The following FER1L6 variants were observed in gnomAD, a reference collection of about 807,000 sequenced individuals.
FER1L6 encodes the protein fer-1-like protein 6.
Under a neutral mutation model 219.2 loss-of-function variants are expected in FER1L6, and 177 were observed. The ratio of observed to expected loss-of-function variants is 0.81; its 90% CI spans 0.71 to 0.91. The LOEUF is 0.91. Among genes scored for constraint, FER1L6 ranks in the 40% least tolerant of loss-of-function variants. FER1L6 has a pLI of 0.00. For missense variants in FER1L6, 2,153 were observed against 2,259.9 expected, an observed-to-expected ratio of 0.95 and a Z score of 0.96; for synonymous variants, 768 against 824.3, an observed-to-expected ratio of 0.93 and a Z score of 1.17.
intron 13 of FER1L6, among the ~76,000 whole-genome samples, chr8:124,010,101 G>A (rs891753785): frequency 3.3e-5 from 5 of 150,878 alleles, no homozygotes; most frequent in Non-Finnish European, 5.9e-5. Context: ...CTGGCAACCC[G>A]TGGAGGAGAG....
intron 1 of FER1L6, among the ~76,000 whole-genome samples, chr8:123,875,829 A>C (rs531876972): frequency 6.6e-6 from 1 of 152,260 alleles, no homozygotes; most frequent in African/African-American, 2.4e-5. Flanking sequence ...TTTATGTGCA[A>C]ATCCTGCAGG....
intron 20 of FER1L6, among the ~76,000 whole-genome samples, chr8:124,044,633 G>A (rs1201086546): frequency 2.0e-5 from 3 of 152,226 alleles, no homozygotes; most frequent in Non-Finnish European, 4.4e-5. Flanking sequence ...AGCAGCTGCT[G>A]TGATACATTC....
chr8:123,867,479 G>T (rs140717729), intron 1 of FER1L6, among the ~76,000 whole-genome samples: 1 of 152,154 alleles, frequency 6.6e-6, no homozygotes, highest in East Asian at 1.9e-4. Context: ...ATGTAATAGC[G>T]AGTAAGAATG....
intron 1 of FER1L6, among the ~76,000 whole-genome samples, chr8:123,862,929 A>G (rs1276352702): frequency 2.7e-5 from 4 of 146,588 alleles, no homozygotes; most frequent in Admixed American, 2.7e-4. Context: ...TCAAAAAACC[A>G]GCTCCTGGAT....
At chr8:123,859,947 A>T (rs1816715332) in intron 1 of FER1L6, among the ~76,000 whole-genome samples, 1 of 141,992 alleles carries the variant, frequency 7.0e-6, no homozygotes, top group Non-Finnish European at 1.5e-5. Flanking sequence ...TTATTTATTT[A>T]TTTATTTTTA....
intron 18 of FER1L6, among the ~76,000 whole-genome samples, 181 bp downstream of exon 18, chr8:124,023,777 G>T (rs190180186): frequency 1.3e-5 from 2 of 152,160 alleles, no homozygotes; most frequent in Admixed American, 1.3e-4. Flanking sequence ...CCTTTAGGTG[G>T]AATTTTTTCA....
At chr8:124,034,438 C>T (rs1819112100) in intron 18 of FER1L6, among the ~76,000 whole-genome samples, 2 of 152,320 alleles carry the variant, frequency 1.3e-5, no homozygotes, top group Non-Finnish European at 1.5e-5. Flanking sequence ...CAGGCATATA[C>T]ACACATATAC....
chr8:124,055,170 G>A (rs1406157676), intron 22 of FER1L6, among the ~76,000 whole-genome samples: 1 of 152,172 alleles, frequency 6.6e-6, no homozygotes, highest in Non-Finnish European at 1.5e-5. Context: ...TGAGCCTGGT[G>A]GTTCACGCCT....
At chr8:124,085,799 GCC>G (rs1821762463) in intron 33 of FER1L6, among the ~76,000 whole-genome samples, 1 of 152,072 alleles carries the variant, frequency 6.6e-6, no homozygotes, top group African/African-American at 2.4e-5. Context: ...TGGATGACCT[GCC>G]CAGTGCTGAA....
In FER1L6 at chr8:124,082,577, C is replaced by T. The variant is rs73330160; in HGVS notation, c.4391+119C>T. 0.01 allele frequency: 8,828 copies of T among 877,602 alleles called. 450 individuals carry two copies. In the African/African-American group the frequency reaches 0.12, roughly 12 times the overall value. The allele number at this position is 877,602 out of a possible 1,614,324, so 54.4% of individuals were successfully genotyped here. A position where few individuals can be genotyped will look rare whatever the true frequency, so the allele number is the denominator to read the frequency against. On this transcript the variant is annotated intron_variant, in intron 33 of 40. Transcript: ENST00000522917. ...AAGGCCAGACCAGGCTCAGCTTTAA[C>T]GTCTCAAATGGGCTCCACATCAGCA...
rs756537977 is a variant in FER1L6, at chr8:124,010,725, C to G, written c.1821+11C>G. 19 of 1,612,460 alleles carry G rather than the reference C, an allele frequency of 1.2e-5. No individual in the cohort carries two copies. The South Asian group carries it at 2.1e-4, about 18-fold the overall frequency. On this transcript the variant is annotated intron_variant, in intron 14 of 40. Coordinates refer to ENST00000522917, the MANE Select transcript of FER1L6 (RefSeq NM_001039112.2). Reference sequence around the variant, plus strand: ...ATGGCAGACTTCCTGGTAGGTGACTCTGACAGGTGATGGATTAGAGAATTG... The same window carrying G: ...ATGGCAGACTTCCTGGTAGGTGACTGTGACAGGTGATGGATTAGAGAATTG...
At chr8:124,057,625 T>C (rs1371856922) in intron 22 of FER1L6, among the ~76,000 whole-genome samples, 1 of 152,154 alleles carries the variant, frequency 6.6e-6, no homozygotes, top group Non-Finnish European at 1.5e-5. Flanking sequence ...TTTTTGCCTG[T>C]CCTCTGTGAT....
rs143559130 is a variant in FER1L6, at chr8:123,946,677, G to A, written c.-7-9315G>A. Among the ~76,000 whole-genome samples the A allele has an allele frequency of 1.3e-3, 201 of 152,212 alleles. 1 individual carries two copies. Among genetic ancestry groups the A allele is most frequent in the African/African-American group, 4.7e-3 (195 of 41,496 alleles). ...CCCCTCAGGTACGAGAGGAGGAGTG[G>A]TGGCCACATTGGGCCACCTGGTTAC... On this transcript the variant is annotated intron_variant, in intron 1 of 40. Coordinates refer to ENST00000522917, the MANE Select transcript of FER1L6 (RefSeq NM_001039112.2).
chr8:123,970,145 T>G (rs1815734548), intron 6 of FER1L6, 48 bp downstream of exon 6: 3 of 1,537,466 alleles, frequency 2.0e-6, no homozygotes, highest in African/African-American at 2.7e-5. Context: ...GGGAGACATT[T>G]TGGGCATTGG....
Position 124,086,786 on chromosome 8 carries a change from G to A in FER1L6, c.4391+4328G>A, listed in dbSNP as rs188632900. On this transcript the variant is annotated intron_variant, in intron 33 of 40. Transcript: ENST00000522917. ...CTTATAGGACAGGTCTGGTGTTGATGAAATCCCTCAGAGTTTGTCTGGGAA... is the reference window on the plus strand; with the variant it reads ...CTTATAGGACAGGTCTGGTGTTGATAAAATCCCTCAGAGTTTGTCTGGGAA... 3.3e-4 allele frequency among the ~76,000 whole-genome samples: 50 copies of A among 152,216 alleles called. No individual in the cohort carries two copies. The Middle Eastern group carries it at 0.01, about 31-fold the overall frequency.
chr8:124,043,010 T>G (rs780290425), intron 20 of FER1L6, among the ~76,000 whole-genome samples: 3 of 152,056 alleles, frequency 2.0e-5, no homozygotes, highest in Non-Finnish European at 4.4e-5. Context: ...GAGGAAATCT[T>G]AAGAGGGTGA....
intron 35 of FER1L6, 35 bp from the exon 36 acceptor site, chr8:124,097,236 C>G: frequency 1.3e-6 from 2 of 1,551,666 alleles, no homozygotes; most frequent in Non-Finnish European, 1.8e-6. Flanking sequence ...TAGCCCCCTC[C>G]CAAAGCTAAA....
intron 31 of FER1L6, among the ~76,000 whole-genome samples, chr8:124,073,564 C>T (rs1274962275): frequency 6.6e-6 from 1 of 152,108 alleles, no homozygotes; most frequent in Admixed American, 6.5e-5. Context: ...TCAAATTTCC[C>T]CACCTCTTTT....
At chr8:123,867,706 T>G (rs150121491) in intron 1 of FER1L6, among the ~76,000 whole-genome samples, 2 of 152,346 alleles carry the variant, frequency 1.3e-5, no homozygotes, top group African/African-American at 4.8e-5. Context: ...AAATGTTGGA[T>G]GTTATTGCCC....
Sources: gnomAD v4.1 joint callset for allele counts (sites outside exome capture counted in the v4.1 genomes callset) on GRCh38, gnomAD v4.1.1 for gene constraint, MANE v1.5 for transcripts, NCBI Gene and HGNC (gene_info 2026-07-23, HGNC 2026-07-21) for gene names.